The following SLCO6A1 variants were observed in gnomAD, a reference collection of about 807,000 sequenced individuals.
The protein encoded by SLCO6A1 is cancer/testis antigen 48.
Under a neutral mutation model 72.7 loss-of-function variants are expected in SLCO6A1, and 65 were observed. The ratio of observed to expected loss-of-function variants is 0.89; its 90% CI spans 0.73 to 1.10. SLCO6A1 has a LOEUF of 1.10. SLCO6A1 is among the 50% of genes least tolerant of loss of function. The probability of loss-of-function intolerance (pLI) is 0.00; values close to 1 mark genes in which losing one functional copy is unlikely to be tolerated. For missense variants in SLCO6A1, 874 were observed against 872.6 expected (o/e 1.00, Z -0.02); for synonymous variants, 314 against 298.2 (o/e 1.05, Z -0.55).
rs201580869 is a variant in SLCO6A1, at chr5:102,391,972, AT to A, written c.1815-928del. Among the ~76,000 whole-genome samples, 510 of 152,236 alleles carry A rather than the reference AT, an allele frequency of 3.4e-3. 1 individual carries two copies. The highest frequency in any genetic ancestry group is 0.011 in the African/African-American group (457 of 41,564). ...AAAATAAATAAAAATACAATTAAAAATAATCCTTGAACATTTTAAAAAGTTA... is the reference window on the plus strand; with the variant it reads ...AAAATAAATAAAAATACAATTAAAAAAATCCTTGAACATTTTAAAAAGTTA... On this transcript the variant is annotated intron_variant, in intron 10 of 13. Coordinates refer to ENST00000506729, the MANE Select transcript of SLCO6A1 (RefSeq NM_173488.5).
intron 7 of SLCO6A1, among the ~76,000 whole-genome samples, chr5:102,420,467 C>T (rs138340242): frequency 1.1e-3 from 171 of 152,084 alleles, no homozygotes; most frequent in African/African-American, 3.0e-3. Context: ...TATGAATGAA[C>T]GTTCAATATT....
intron 10 of SLCO6A1, among the ~76,000 whole-genome samples, chr5:102,393,470 C>T (rs1487456896): frequency 1.3e-5 from 2 of 152,148 alleles, no homozygotes; most frequent in East Asian, 3.9e-4. Flanking sequence ...AAATACTTAT[C>T]TTCCATCCTT....
At chr5:102,417,993 C>CAAA (rs11390780) in intron 8 of SLCO6A1, among the ~76,000 whole-genome samples, 1 of 147,670 alleles carries the variant, frequency 6.8e-6, no homozygotes, top group African/African-American at 2.5e-5. Flanking sequence ...GAAACTCCGT[C>CAAA]AAAAAAAAAA....
chr5:102,463,897 A>AAG (rs11377172), intron 4 of SLCO6A1, among the ~76,000 whole-genome samples: 11 of 15,758 alleles, frequency 7.0e-4, no homozygotes, highest in Non-Finnish European at 1.6e-3. Flanking sequence ...AAAAAAGAAG[A>AAG]AAAAAAAAAA....
chr5:102,404,227 G>A (rs376846242), intron 9 of SLCO6A1, among the ~76,000 whole-genome samples: 1 of 152,208 alleles, frequency 6.6e-6, no homozygotes. Flanking sequence ...TGGGTGTGGT[G>A]GCTCACGCCT....
Position 102,373,364 on chromosome 5 carries a change from T to G in SLCO6A1, c.2148A>C (p.Glu716Asp), listed in dbSNP as rs1484143934. 1.9e-6 allele frequency: 3 copies of G among 1,562,544 alleles called. No individual in the cohort carries two copies. Among genetic ancestry groups the G allele is most frequent in the Admixed American group, 1.9e-5 (1 of 51,500 alleles). Residue 716 changes from glutamate (E) to aspartate (D), a missense_variant, in exon 13 of 14, where the codon GAA becomes GAC. Glu to Asp is a conservative substitution (Grantham distance 45, BLOSUM62 2). Coordinates refer to ENST00000506729, the MANE Select transcript of SLCO6A1 (RefSeq NM_173488.5). ...VKNPKVKKKEETDL is the reference protein window; with the variant it reads ...VKNPKVKKKEDTDL Reference sequence around the variant, plus strand: ...AATGATGATCCAGTTACAAGTCAGTTTCTTCTTTTTTCTTAACTTTTGGAT... The same window carrying G: ...AATGATGATCCAGTTACAAGTCAGTGTCTTCTTTTTTCTTAACTTTTGGAT...
chr5:102,452,080 T>C (rs1272612989), intron 6 of SLCO6A1, among the ~76,000 whole-genome samples: 1 of 152,234 alleles, frequency 6.6e-6, no homozygotes, highest in Non-Finnish European at 1.5e-5. Context: ...ATAGCTCACA[T>C]TCATTTTGTC....
chr5:102,467,482 C>T (rs1304292351), intron 4 of SLCO6A1, among the ~76,000 whole-genome samples: 5 of 151,982 alleles, frequency 3.3e-5, no homozygotes, highest in African/African-American at 4.8e-5. Context: ...ATAAAACCAT[C>T]AAATATCATG....
chr5:102,456,688 T>G (rs1289458025), intron 6 of SLCO6A1, among the ~76,000 whole-genome samples: 2 of 152,136 alleles, frequency 1.3e-5, no homozygotes, highest in East Asian at 3.8e-4. Flanking sequence ...CAAGGTAATT[T>G]ATAGATTCAA....
At chr5:102,410,188 A>T (rs1747897625) in intron 9 of SLCO6A1, among the ~76,000 whole-genome samples, 1 of 152,110 alleles carries the variant, frequency 6.6e-6, no homozygotes, top group Non-Finnish European at 1.5e-5. Flanking sequence ...TAGGCGGGTC[A>T]TCCTGTCCAG....
chr5:102,433,147 G>T (rs779024769), intron 7 of SLCO6A1, among the ~76,000 whole-genome samples: 1 of 152,038 alleles, frequency 6.6e-6, no homozygotes, highest in Non-Finnish European at 1.5e-5. Context: ...TTCTATACTG[G>T]CTACTTTATC....
chr5:102,395,039 A>C (rs1746986847), intron 10 of SLCO6A1, among the ~76,000 whole-genome samples: 1 of 151,994 alleles, frequency 6.6e-6, no homozygotes, highest in Non-Finnish European at 1.5e-5. Context: ...TGAGACTTAA[A>C]AAAATTTGTT....
intron 12 of SLCO6A1, among the ~76,000 whole-genome samples, chr5:102,374,106 T>G (rs1268228295): frequency 2.0e-5 from 3 of 151,922 alleles, no homozygotes; most frequent in African/African-American, 7.3e-5. Flanking sequence ...GGCACGATCT[T>G]GGCTTACTGC....
chr5:102,483,727 C>A (rs975028722), intron 1 of SLCO6A1, among the ~76,000 whole-genome samples: 20 of 152,182 alleles, frequency 1.3e-4, no homozygotes, highest in African/African-American at 4.8e-4. Context: ...GGAACTGTTT[C>A]TCTTCAGATA....
intron 2 of SLCO6A1, 146 bp from the exon 3 acceptor site, chr5:102,478,007 T>G (rs1752000243): frequency 3.9e-6 from 3 of 759,964 alleles, no homozygotes; most frequent in Non-Finnish European, 4.1e-6. Context: ...TTGAATGTAG[T>G]AGTACTGCAA....
At chr5:102,463,750 A>T (rs904394278) in intron 4 of SLCO6A1, among the ~76,000 whole-genome samples, 4 of 151,922 alleles carry the variant, frequency 2.6e-5, no homozygotes, top group Admixed American at 2.6e-4. Context: ...GCCGGGCGTG[A>T]TGGCGCATGC....
At chr5:102,423,305 C>T (rs1748709415) in intron 7 of SLCO6A1, among the ~76,000 whole-genome samples, 3 of 151,988 alleles carry the variant, frequency 2.0e-5, no homozygotes, top group African/African-American at 7.3e-5. Flanking sequence ...GGCTAAATAC[C>T]CCAATTAATA....
intron 1 of SLCO6A1, among the ~76,000 whole-genome samples, chr5:102,489,379 T>C (rs756008815): frequency 1.3e-5 from 2 of 152,102 alleles, no homozygotes; most frequent in African/African-American, 2.4e-5. Context: ...CCCAGAATAT[T>C]TAAGGAACTC....
In SLCO6A1 at chr5:102,410,220, G is replaced by A. The variant is rs1054247089; in HGVS notation, c.1626+2770C>T. 2.6e-5 allele frequency among the ~76,000 whole-genome samples: 4 copies of A among 152,216 alleles called. No individual in the cohort carries two copies. In the East Asian group the frequency reaches 7.8e-4, roughly 30 times the overall value. ...CCAGTGTTCAGCTCTCAGCAGAGAG[G>A]AGTCCCTCGAGAGGGTTGCTCCTCT... On this transcript the variant is annotated intron_variant, in intron 9 of 13. Coordinates refer to ENST00000506729, the MANE Select transcript of SLCO6A1 (RefSeq NM_173488.5).
Sources: allele counts gnomAD v4.1 joint callset (sites outside exome capture counted in the v4.1 genomes callset), GRCh38; gene constraint gnomAD v4.1.1; transcripts MANE v1.5; gene names NCBI Gene and HGNC (gene_info 2026-07-23, HGNC 2026-07-21).